The following MACROD2 variants were observed in gnomAD, a reference collection of about 807,000 sequenced individuals.
MACROD2 encodes the protein ADP-ribose glycohydrolase MACROD2.
Under a neutral mutation model 70.4 loss-of-function variants are expected in MACROD2, and 36 were observed. That is an observed-to-expected ratio of 0.51 (90% confidence interval 0.39 to 0.68). MACROD2 has a LOEUF of 0.68. MACROD2 is among the 30% of genes least tolerant of loss of function. The pLI, the probability that MACROD2 is intolerant of heterozygous loss-of-function variation, is 0.00. For missense variants in MACROD2, 496 were observed against 538.4 expected, an observed-to-expected ratio of 0.92 and a Z score of 0.78; for synonymous variants, 172 against 178.8, an observed-to-expected ratio of 0.96 and a Z score of 0.30.
chr20:15,283,619 C>G (rs1297058294), intron 6 of MACROD2, among the ~76,000 whole-genome samples: 2 of 152,044 alleles, frequency 1.3e-5, no homozygotes, highest in East Asian at 3.9e-4. Flanking sequence ...TTGCAGTGAG[C>G]CGAGTTCACG....
chr20:15,985,936 G>T (rs1393993135), intron 13 of MACROD2: 1 of 152,224 alleles, frequency 6.6e-6, no homozygotes, highest in African/African-American at 2.4e-5. Flanking sequence ...ACATGAAAGG[G>T]TCGTGATTGA....
intron 5 of MACROD2, among the ~76,000 whole-genome samples, chr20:15,149,911 G>A (rs567592349): frequency 1.3e-5 from 2 of 152,120 alleles, no homozygotes; most frequent in Admixed American, 1.3e-4. Flanking sequence ...AGATGAGTGG[G>A]GAAAGGATTT....
rs533451309 is a variant in MACROD2 at position 14,125,330 on chromosome 20, A to C, written c.271+39602A>C. On this transcript the variant is annotated intron_variant, in intron 3 of 17. Coordinates refer to ENST00000684519, the MANE Select transcript of MACROD2 (RefSeq NM_001351661.2). ...TATAAGTTTTACCTCAGTAAAAAATAAGCAAACTCACAGAATTTAGAGTGA... is the reference window on the plus strand; with the variant it reads ...TATAAGTTTTACCTCAGTAAAAAATCAGCAAACTCACAGAATTTAGAGTGA... 3.1e-4 allele frequency among the ~76,000 whole-genome samples: 47 copies of C among 152,322 alleles called. 1 individual carries two copies. The South Asian group carries it at 9.5e-3, about 31-fold the overall frequency.
intron 5 of MACROD2, among the ~76,000 whole-genome samples, chr20:14,978,859 ATATAATATAT>A (rs1320299034): frequency 2.2e-5 from 3 of 134,400 alleles, no homozygotes; most frequent in African/African-American, 5.5e-5. Flanking sequence ...TTATATATAT[ATATAATATAT>A]TATATAATAT....
chr20:15,904,817 C>T (rs1225501295), intron 10 of MACROD2, among the ~76,000 whole-genome samples: 1 of 146,950 alleles, frequency 6.8e-6, no homozygotes, highest in Non-Finnish European at 1.5e-5. Context: ...GGAGGCGGAG[C>T]TTGCAGTGAG....
intron 5 of MACROD2, among the ~76,000 whole-genome samples, chr20:15,166,919 A>C (rs2076389083): frequency 6.7e-6 from 1 of 149,632 alleles, no homozygotes; most frequent in Admixed American, 6.7e-5. Context: ...TATTTAATTT[A>C]AGTATTAAAT....
At chr20:14,815,410 A>G (rs941460061) in intron 5 of MACROD2, among the ~76,000 whole-genome samples, 3 of 152,082 alleles carry the variant, frequency 2.0e-5, no homozygotes, top group Non-Finnish European at 2.9e-5. Context: ...GGTTTCCTGC[A>G]TTACCAAATG....
chr20:15,732,903 T>C, intron 8 of MACROD2, among the ~76,000 whole-genome samples: 1 of 152,186 alleles, frequency 6.6e-6, no homozygotes, highest in Non-Finnish European at 1.5e-5. Flanking sequence ...TAGAATTCAC[T>C]AGCAAACCCA....
In MACROD2 at chr20:15,917,302, G is replaced by A. The variant is rs181171193; in HGVS notation, c.776-15974G>A. Among the ~76,000 whole-genome samples the A allele has an allele frequency of 4.5e-3, 679 of 152,264 alleles. 2 individuals are homozygous for A. Among genetic ancestry groups the A allele is most frequent in the Middle Eastern group, 0.017 (5 of 294 alleles). On this transcript the variant is annotated intron_variant, in intron 10 of 17. Coordinates refer to ENST00000684519, the MANE Select transcript of MACROD2 (RefSeq NM_001351661.2). ...CATTCCTTCAGGGAGACAGAAACAG[G>A]TTCAAAAATTAAGTCACTAAAATGA...
intron 6 of MACROD2, among the ~76,000 whole-genome samples, chr20:15,270,264 T>C (rs1415519064): frequency 6.7e-6 from 1 of 149,530 alleles, no homozygotes. Flanking sequence ...TAGTTAAACA[T>C]CCATATGATG....
intron 7 of MACROD2, among the ~76,000 whole-genome samples, chr20:15,449,707 C>T (rs939037684): frequency 6.6e-6 from 1 of 152,002 alleles, no homozygotes; most frequent in Non-Finnish European, 1.5e-5. Context: ...TAAACATGCA[C>T]AGAGGCTGGA....
At chr20:15,056,652 A>G (rs1408994983) in intron 5 of MACROD2, among the ~76,000 whole-genome samples, 1 of 152,186 alleles carries the variant, frequency 6.6e-6, no homozygotes, top group Non-Finnish European at 1.5e-5. Flanking sequence ...AAAGTTTGGA[A>G]TCAATCAAGG....
chr20:14,321,308 T>TGA (rs1398213622), intron 3 of MACROD2, among the ~76,000 whole-genome samples: 1 of 151,940 alleles, frequency 6.6e-6, no homozygotes, highest in African/African-American at 2.4e-5. Flanking sequence ...CAGGTTGCAG[T>TGA]GAGCCAAGAT....
At chr20:14,645,365 T>C (rs992013502) in intron 4 of MACROD2, among the ~76,000 whole-genome samples, 1 of 152,006 alleles carries the variant, frequency 6.6e-6, no homozygotes, top group South Asian at 2.1e-4. Flanking sequence ...TTAGCACCCA[T>C]AGACTTTCAT....
intron 4 of MACROD2, among the ~76,000 whole-genome samples, chr20:14,660,830 C>T (rs977987539): frequency 1.4e-4 from 22 of 151,980 alleles, no homozygotes; most frequent in African/African-American, 4.1e-4. Flanking sequence ...CATTAATTGA[C>T]GTAGTGTAAT....
rs151202692 is a variant in MACROD2, at chr20:14,410,536, T to C, written c.272-82943T>C. ...GATGATGGCCTTTAGCTGCAGCATG[T>C]CAACTGCATGTTGCTGCAGTGGACA... On this transcript the variant is annotated intron_variant, in intron 3 of 17. Transcript: ENST00000684519. Among the ~76,000 whole-genome samples, 5 of 152,276 alleles carry C rather than the reference T, an allele frequency of 3.3e-5. No homozygotes were observed. In the East Asian group the frequency reaches 9.7e-4, roughly 29 times the overall value.
intron 6 of MACROD2, among the ~76,000 whole-genome samples, chr20:15,258,949 C>G (rs530327310): frequency 1.3e-5 from 2 of 152,040 alleles, no homozygotes; most frequent in African/African-American, 2.4e-5. Flanking sequence ...GACAAGAGAG[C>G]ATAACTTTTG....
rs1032464305 is a variant in MACROD2, at chr20:14,904,656, G to T, written c.418+219697G>T. 3.3e-5 allele frequency among the ~76,000 whole-genome samples: 5 copies of T among 152,078 alleles called. No homozygotes were observed. The South Asian group carries it at 6.2e-4, about 19-fold the overall frequency. The stretch of plus-strand genomic sequence containing the variant: ...GATTTTAGTAATGCTATTTAATACC[G>T]CATAACCCTTAAGCAAATTACTCAA... On this transcript the variant is annotated intron_variant, in intron 5 of 17. Coordinates refer to ENST00000684519, the MANE Select transcript of MACROD2 (RefSeq NM_001351661.2).
At chr20:14,275,545 C>T (rs1219513077) in intron 3 of MACROD2, among the ~76,000 whole-genome samples, 3 of 151,534 alleles carry the variant, frequency 2.0e-5, no homozygotes, top group Non-Finnish European at 2.9e-5. Flanking sequence ...AAAACCTAGG[C>T]ATTACCATTC....
Sources: allele counts gnomAD v4.1 joint callset (sites outside exome capture counted in the v4.1 genomes callset), GRCh38; gene constraint gnomAD v4.1.1; transcripts MANE v1.5; gene names NCBI Gene and HGNC (gene_info 2026-07-23, HGNC 2026-07-21).